Variants in FTO observed in about 807,000 individuals in gnomAD.
FTO encodes the protein FTO alpha-ketoglutarate dependent dioxygenase.
FTO carries 47 observed loss-of-function variants against 63.9 expected under a neutral mutation model. The ratio of observed to expected loss-of-function variants is 0.74; its 90% CI spans 0.58 to 0.94. The LOEUF (loss-of-function observed/expected upper bound fraction) is 0.94. Among genes scored for constraint, FTO ranks in the 40% least tolerant of loss-of-function variants. The probability of loss-of-function intolerance (pLI) is 0.00; values close to 1 mark genes in which losing one functional copy is unlikely to be tolerated. For synonymous variants in FTO, 207 were observed against 224.4 expected (o/e 0.92, Z 0.69); for missense variants, 562 against 618.1 (o/e 0.91, Z 0.96).
At chr16:53,909,532 C>CTTTT (rs58121446) in intron 7 of FTO, among the ~76,000 whole-genome samples, 18 of 71,180 alleles carry the variant, frequency 2.5e-4, no homozygotes, top group African/African-American at 1.2e-3. Flanking sequence ...AGAGCCCCGC[C>CTTTT]TTTTTTTTTT....
At chr16:53,868,101 C>T (rs2080382849) in intron 4 of FTO, among the ~76,000 whole-genome samples, 1 of 151,984 alleles carries the variant, frequency 6.6e-6, no homozygotes, top group African/African-American at 2.4e-5. Context: ...AATTGAGTTT[C>T]TTGTAGATAG....
chr16:53,742,392 C>T lies in FTO; in HGVS notation c.45+38163C>T, dbSNP rs771660328. ...GTTTTTTTTGGTGACACATTGTTGC[C>T]CAGGTCAAAATCAGGATTTTGTTGA... On this transcript the variant is annotated intron_variant, in intron 1 of 8. Transcript: ENST00000471389. Among the ~76,000 whole-genome samples the T allele has an allele frequency of 3.4e-4, 52 of 152,010 alleles. 1 individual carries two copies. The highest frequency in any genetic ancestry group is 1.3e-4 in the Admixed American group (2 of 15,262).
intron 8 of FTO, among the ~76,000 whole-genome samples, chr16:53,978,660 A>G (rs2083477206): frequency 6.6e-6 from 1 of 152,244 alleles, no homozygotes; most frequent in Non-Finnish European, 1.5e-5. Flanking sequence ...GGCTCATTGT[A>G]GAAAATTTGA....
intron 7 of FTO, among the ~76,000 whole-genome samples, chr16:53,907,631 GC>G (rs1280957872): frequency 6.6e-6 from 1 of 152,064 alleles, no homozygotes; most frequent in Non-Finnish European, 1.5e-5. Context: ...TTTATCCTCA[GC>G]CCATCTTTTC....
intron 1 of FTO, among the ~76,000 whole-genome samples, chr16:53,746,034 G>A (rs1306680860): frequency 6.6e-6 from 1 of 152,154 alleles, no homozygotes; most frequent in Non-Finnish European, 1.5e-5. Context: ...CCTTGGTGAG[G>A]TTGTTTCTGG....
intron 8 of FTO, among the ~76,000 whole-genome samples, chr16:53,946,678 A>G (rs1477001917): frequency 3.9e-5 from 6 of 152,150 alleles, no homozygotes; most frequent in Admixed American, 6.5e-5. Flanking sequence ...TCCAGGAAGC[A>G]TATGACCAGA....
At chr16:53,739,586 G>A (rs911743622) in intron 1 of FTO, among the ~76,000 whole-genome samples, 1 of 152,074 alleles carries the variant, frequency 6.6e-6, no homozygotes, top group Non-Finnish European at 1.5e-5. Context: ...ATGTGTGAAT[G>A]GAAAGAAAGA....
chr16:53,906,418 T>C (rs2081542049), intron 7 of FTO, among the ~76,000 whole-genome samples: 2 of 151,936 alleles, frequency 1.3e-5, no homozygotes. Context: ...ACAGGAAGGC[T>C]CCCTCACTTT....
intron 8 of FTO, among the ~76,000 whole-genome samples, chr16:53,966,826 C>T (rs2083205549): frequency 6.6e-6 from 1 of 152,184 alleles, no homozygotes; most frequent in South Asian, 2.1e-4. Context: ...GGCTCCAGGA[C>T]CTTCTGCCAT....
intron 8 of FTO, among the ~76,000 whole-genome samples, chr16:54,093,665 C>G (rs749354283): frequency 2.0e-5 from 3 of 152,208 alleles, no homozygotes; most frequent in Non-Finnish European, 4.4e-5. Flanking sequence ...ACATTCTGCA[C>G]AAGCAGATGT....
At chr16:54,031,769 A>G (rs2084837565) in intron 8 of FTO, among the ~76,000 whole-genome samples, 1 of 152,254 alleles carries the variant, frequency 6.6e-6, no homozygotes, top group South Asian at 2.1e-4. Flanking sequence ...TTATGAAACA[A>G]TAACTGGTTA....
intron 8 of FTO, among the ~76,000 whole-genome samples, chr16:53,980,801 C>A (rs2083524717): frequency 6.6e-6 from 1 of 152,012 alleles, no homozygotes; most frequent in Non-Finnish European, 1.5e-5. Context: ...CAAAATACGA[C>A]AGCCTTATTT....
intron 2 of FTO, among the ~76,000 whole-genome samples, chr16:53,823,498 C>A (rs905041069): frequency 8.0e-6 from 1 of 124,522 alleles, no homozygotes; most frequent in Non-Finnish European, 1.6e-5. Context: ...AATTCCCCTC[C>A]CCCCGCCCAC....
At chr16:54,049,029 TC>T (rs1162307726) in intron 8 of FTO, among the ~76,000 whole-genome samples, 22 of 151,944 alleles carry the variant, frequency 1.4e-4, no homozygotes, top group Admixed American at 3.9e-4. Context: ...TTTCTTTTTT[TC>T]CCCCCAGCAG....
chr16:53,852,316 A>G (rs1194312045), intron 4 of FTO, among the ~76,000 whole-genome samples: 1 of 152,098 alleles, frequency 6.6e-6, no homozygotes, highest in Admixed American at 6.6e-5. Context: ...TTATGGAATT[A>G]GTGCTCTGAT....
Position 53,858,646 on chromosome 16 carries a change from C to G in FTO, c.895+14348C>G, listed in dbSNP as rs187485055. Among the ~76,000 whole-genome samples the G allele has an allele frequency of 3.6e-3, 542 of 151,918 alleles. 2 individuals are homozygous for G. Among genetic ancestry groups the G allele is most frequent in the African/African-American group, 0.012 (512 of 41,448 alleles). Reference sequence around the variant, plus strand: ...TCTTGAGGTTAATAATTGATTTTTGCTTTGCTTTCTTTTCTTTTTTTTTCC... The same window carrying G: ...TCTTGAGGTTAATAATTGATTTTTGGTTTGCTTTCTTTTCTTTTTTTTTCC... On this transcript the variant is annotated intron_variant, in intron 4 of 8. Coordinates refer to ENST00000471389, the MANE Select transcript of FTO (RefSeq NM_001080432.3).
chr16:53,751,389 C>T (rs902562594), intron 1 of FTO, among the ~76,000 whole-genome samples: 6 of 151,900 alleles, frequency 3.9e-5, no homozygotes, highest in African/African-American at 1.2e-4. Flanking sequence ...ACCCGGGAGG[C>T]GAAGCTTGCA....
intron 8 of FTO, among the ~76,000 whole-genome samples, chr16:54,095,789 A>G (rs1416415786): frequency 6.6e-6 from 1 of 152,038 alleles, no homozygotes; most frequent in Non-Finnish European, 1.5e-5. Flanking sequence ...TCCTGGCCCC[A>G]AAGGTGACTT....
chr16:53,813,285 C>T (rs978485556), intron 2 of FTO, among the ~76,000 whole-genome samples: 2 of 151,642 alleles, frequency 1.3e-5, no homozygotes, highest in African/African-American at 4.9e-5. Context: ...AATATCAGCT[C>T]ACTGCAACCT....
Sources: allele counts gnomAD v4.1 joint callset (sites outside exome capture counted in the v4.1 genomes callset), GRCh38; gene constraint gnomAD v4.1.1; transcripts MANE v1.5; gene names NCBI Gene and HGNC (gene_info 2026-07-23, HGNC 2026-07-21).